METTL25: variants seen among roughly 807,000 people sequenced by gnomAD.
METTL25 encodes the protein probable methyltransferase-like protein 25.
METTL25 carries 64 observed loss-of-function variants against 71.6 expected under a neutral mutation model. The observed-to-expected ratio is 0.89, with a 90% CI of 0.73 to 1.10. The LOEUF is 1.10. Ranked by LOEUF, METTL25 falls within the 50% of genes least tolerant of loss-of-function variation. METTL25 has a pLI of 0.00. For missense variants in METTL25, 807 were observed against 707.0 expected, an observed-to-expected ratio of 1.14 and a Z score of -1.60; for synonymous variants, 287 against 250.3, an observed-to-expected ratio of 1.15 and a Z score of -1.38.
chr12:82,460,959 C>G (rs900281600), intron 9 of METTL25, among the ~76,000 whole-genome samples: 1 of 152,050 alleles, frequency 6.6e-6, no homozygotes, highest in Non-Finnish European at 1.5e-5. Flanking sequence ...CTGGCTAACA[C>G]AGTGAAACCC....
At chr12:82,398,577 T>G (rs1886286210) in intron 3 of METTL25, among the ~76,000 whole-genome samples, 2 of 152,150 alleles carry the variant, frequency 1.3e-5, no homozygotes, top group African/African-American at 4.8e-5. Flanking sequence ...TTACATTATT[T>G]ATTTCTTTTG....
At chr12:82,388,503 C>T (rs958041227) in intron 2 of METTL25, among the ~76,000 whole-genome samples, 5 of 151,918 alleles carry the variant, frequency 3.3e-5, no homozygotes, top group Admixed American at 6.6e-5. Context: ...AACACTCTAT[C>T]CCAGGTGCTG....
chr12:82,363,501 T>C lies in METTL25; in HGVS notation c.259+4677T>C, dbSNP rs185539888. 3.9e-5 allele frequency among the ~76,000 whole-genome samples: 6 copies of C among 152,220 alleles called. No homozygotes were observed. In the East Asian group the frequency reaches 1.2e-3, roughly 29 times the overall value. ...CCAAATCTTTATCTGACTGCTAAAC[T>C]CTGCAGGCTCAGGTATACCACCAGA... is the stretch of plus-strand genomic sequence containing the variant. On this transcript the variant is annotated intron_variant, in intron 1 of 11. Coordinates refer to ENST00000248306, the MANE Select transcript of METTL25 (RefSeq NM_032230.3).
At chr12:82,368,271 C>A (rs1415873051) in intron 1 of METTL25, among the ~76,000 whole-genome samples, 1 of 152,208 alleles carries the variant, frequency 6.6e-6, no homozygotes, top group Non-Finnish European at 1.5e-5. Flanking sequence ...CACTGCCAGA[C>A]TTGTGTGGCT....
intron 3 of METTL25, among the ~76,000 whole-genome samples, chr12:82,397,607 T>C (rs951916082): frequency 6.6e-6 from 1 of 152,060 alleles, no homozygotes; most frequent in African/African-American, 2.4e-5. Flanking sequence ...TTTTAATTAG[T>C]TTTTGTGTTT....
At chr12:82,394,290 G>T (rs1402200204) in intron 3 of METTL25, among the ~76,000 whole-genome samples, 1 of 151,876 alleles carries the variant, frequency 6.6e-6, no homozygotes, top group Non-Finnish European at 1.5e-5. Flanking sequence ...TGGGACTGTT[G>T]AAGTCCCCAA....
At chr12:82,379,664 GT>G (rs1884235651) in intron 1 of METTL25, among the ~76,000 whole-genome samples, 1 of 152,164 alleles carries the variant, frequency 6.6e-6, no homozygotes, top group East Asian at 1.9e-4. Context: ...TTAGTAAGAA[GT>G]ATCATTAATA....
chr12:82,431,215 T>C (rs1246705686), intron 6 of METTL25, among the ~76,000 whole-genome samples: 1 of 151,358 alleles, frequency 6.6e-6, no homozygotes, highest in Non-Finnish European at 1.5e-5. Context: ...TAAAATATAA[T>C]GTAAAGTGTT....
chr12:82,386,506 C>T (rs1221028036), intron 1 of METTL25, among the ~76,000 whole-genome samples: 1 of 148,078 alleles, frequency 6.8e-6, no homozygotes, highest in African/African-American at 2.5e-5. Flanking sequence ...TCCCTTCCTT[C>T]CTCCCTTTTC....
At chr12:82,466,049 A>G (rs1371689444) in intron 9 of METTL25, among the ~76,000 whole-genome samples, 2 of 150,752 alleles carry the variant, frequency 1.3e-5, no homozygotes, top group African/African-American at 4.9e-5. Context: ...TTTCAAAAAA[A>G]CAATTTTTTG....
chr12:82,441,528 G>A (rs1446844981), intron 8 of METTL25, among the ~76,000 whole-genome samples: 1 of 151,600 alleles, frequency 6.6e-6, no homozygotes. Flanking sequence ...CGAACATTAT[G>A]TATAAAATGA....
chr12:82,363,628 A>C (rs1482475510), intron 1 of METTL25, among the ~76,000 whole-genome samples: 1 of 152,098 alleles, frequency 6.6e-6, no homozygotes, highest in African/African-American at 2.4e-5. Context: ...ACTTCCCACT[A>C]TTAATAGAAC....
intron 5 of METTL25, among the ~76,000 whole-genome samples, chr12:82,409,555 A>G (rs1224332791): frequency 1.3e-5 from 2 of 152,060 alleles, no homozygotes; most frequent in Non-Finnish European, 2.9e-5. Flanking sequence ...TAACTGAACC[A>G]TGATTTTGTT....
At chr12:82,372,279 C>G (rs1307255530) in intron 1 of METTL25, among the ~76,000 whole-genome samples, 1 of 152,126 alleles carries the variant, frequency 6.6e-6, no homozygotes, top group African/African-American at 2.4e-5. Flanking sequence ...ATTCCCTTCC[C>G]CCTACAGCTT....
intron 5 of METTL25, among the ~76,000 whole-genome samples, chr12:82,428,819 C>T (rs1229707193): frequency 6.6e-6 from 1 of 151,846 alleles, no homozygotes; most frequent in Non-Finnish European, 1.5e-5. Context: ...ACCTACTTCA[C>T]AGAATTGTTC....
At chr12:82,416,149 A>G (rs920772320) in intron 5 of METTL25, among the ~76,000 whole-genome samples, 2 of 152,154 alleles carry the variant, frequency 1.3e-5, no homozygotes, top group Non-Finnish European at 2.9e-5. Flanking sequence ...ACATATAATC[A>G]TCGTGCTGTG....
At chr12:82,405,498 T>C (rs577912627) in intron 5 of METTL25, among the ~76,000 whole-genome samples, 1 of 152,284 alleles carries the variant, frequency 6.6e-6, no homozygotes, top group Admixed American at 6.5e-5. Flanking sequence ...AATCTCATAC[T>C]TAAAAAAAGT....
chr12:82,386,787 G>T lies in METTL25; in HGVS notation c.260-16G>T. The T allele has an allele frequency of 6.2e-7, 1 of 1,607,554 alleles. No individual in the cohort carries two copies. Among genetic ancestry groups the T allele is most frequent in the Admixed American group, 1.7e-5 (1 of 59,324 alleles). ...TTAATTATTGCTGAAGACTTTTTCT[G>T]TCTTCACTTTTTTAGGTATGACTGA... is the stretch of plus-strand genomic sequence containing the variant. On this transcript the variant is annotated splice_polypyrimidine_tract_variant and intron_variant, in intron 1 of 11. Transcript: ENST00000248306.
intron 5 of METTL25, among the ~76,000 whole-genome samples, chr12:82,417,301 A>G (rs1888064581): frequency 6.6e-6 from 1 of 152,186 alleles, no homozygotes; most frequent in African/African-American, 2.4e-5. Context: ...ATGTAGATGC[A>G]TGTGACACAC....
Sources: allele counts gnomAD v4.1 joint callset (sites outside exome capture counted in the v4.1 genomes callset), GRCh38; gene constraint gnomAD v4.1.1; transcripts MANE v1.5; gene names NCBI Gene and HGNC (gene_info 2026-07-23, HGNC 2026-07-21).